The following BRWD1 variants were observed in gnomAD, a reference collection of about 807,000 sequenced individuals.
BRWD1 encodes bromodomain and WD repeat-containing protein 1.
In BRWD1, 82 loss-of-function variants were observed where a neutral mutation model predicts 251.2. The observed-to-expected ratio is 0.33, with a 90% confidence interval of 0.27 to 0.39. The LOEUF (loss-of-function observed/expected upper bound fraction) is 0.39. Ranked by LOEUF, BRWD1 falls within the 10% of genes least tolerant of loss-of-function variation. BRWD1 has a pLI of 1.00. For synonymous variants in BRWD1, 918 were observed against 902.8 expected (o/e 1.02, Z -0.30); for missense variants, 2,233 against 2,711.6 (o/e 0.82, Z 3.92).
intron 8 of BRWD1, among the ~76,000 whole-genome samples, chr21:39,285,278 A>AGAGAAG (rs1200848842): frequency 6.6e-6 from 1 of 152,188 alleles, no homozygotes; most frequent in Non-Finnish European, 1.5e-5. Context: ...AGTTGATTTC[A>AGAGAAG]CAGAAGCAGA....
chr21:39,264,870 C>T (rs372746564), intron 16 of BRWD1, 21 bp downstream of exon 16: 1 of 1,607,204 alleles, frequency 6.2e-7, no homozygotes, highest in African/African-American at 1.3e-5. Flanking sequence ...TTGCATGCTA[C>T]AACAAAGTAT....
At position 39,191,001 on chromosome 21, in the gene BRWD1, G is replaced by A; in HGVS notation, c.*5258C>T. 1.0e-6 allele frequency: 1 copy of A among 985,198 alleles called. No homozygotes were observed. 61.0% of individuals were successfully genotyped at this position (985,198 alleles called of 1,614,324 possible). ...AAAACTCAGATTTGTGATGGCTATT[G>A]CAATTTTTAATAAAAATCTCATAAA... On this transcript the variant is annotated 3_prime_UTR_variant, in exon 41 of 41. Transcript: ENST00000342449.
chr21:39,290,134 C>T (rs777625196), intron 8 of BRWD1, among the ~76,000 whole-genome samples: 1 of 151,992 alleles, frequency 6.6e-6, no homozygotes, highest in South Asian at 2.1e-4. Flanking sequence ...TTTCTTCTGG[C>T]CTCAATTCCA....
chr21:39,314,649 A>G (rs1414950776), upstream of BRWD1: 3 of 327,562 alleles, frequency 9.2e-6, no homozygotes, highest in Admixed American at 4.2e-5. Flanking sequence ...TCTGGCCCCT[A>G]AAGTACAGCA....
intron 8 of BRWD1, among the ~76,000 whole-genome samples, chr21:39,281,075 T>C (rs2035440876): frequency 6.6e-6 from 1 of 152,218 alleles, no homozygotes; most frequent in Non-Finnish European, 1.5e-5. Context: ...CGAGGGGGAA[T>C]ATGGTATATG....
At chr21:39,266,864 T>C (rs968633649) in intron 15 of BRWD1, among the ~76,000 whole-genome samples, 3 of 152,346 alleles carry the variant, frequency 2.0e-5, no homozygotes, top group Admixed American at 1.3e-4. Context: ...ATTTTGGCTA[T>C]GCAACTGGAA....
rs1319455111 is a variant in BRWD1, at chr21:39,199,398, T to C, written c.5018A>G (p.Lys1673Arg). 1.2e-6 allele frequency: 2 copies of C among 1,614,262 alleles called. No homozygotes were observed. The highest frequency in any genetic ancestry group is 2.7e-5 in the African/African-American group (2 of 75,068). The change falls in exon 40 of 41, where the codon AAG becomes AGG. Residue 1673 changes from lysine (K) to arginine (R), a missense_variant. Physicochemically the swap from Lys to Arg is conservative, Grantham distance 26 (BLOSUM62 2). Around this residue, in one of 12 missense-constraint regions of BRWD1, gnomAD observed 928 missense variants for 970.0 expected, o/e 0.96. Coordinates refer to ENST00000342449, the MANE Select transcript of BRWD1 (RefSeq NM_033656.4). Reference protein sequence around the residue: ...HRNASAVARKKLLHNSEDEQS... With the variant: ...HRNASAVARKRLLHNSEDEQS... ...TTCATCTTCAGAATTATGTAATAAC[T>C]TTTTTCTAGCTACAGCAGAAGCATT...
intron 23 of BRWD1, chr21:39,235,953 G>C (rs994170335): frequency 9.6e-6 from 2 of 207,936 alleles, no homozygotes; most frequent in Non-Finnish European, 2.0e-5. Flanking sequence ...GTTCACAAAG[G>C]TGGCAAGAGG....
chr21:39,307,736 CA>C (rs1353950052), intron 4 of BRWD1, among the ~76,000 whole-genome samples: 1 of 152,064 alleles, frequency 6.6e-6, no homozygotes, highest in Non-Finnish European at 1.5e-5. Flanking sequence ...CCCTTTAAAA[CA>C]AAAACCTCTT....
chr21:39,267,337 T>C (rs1375603721), intron 15 of BRWD1, among the ~76,000 whole-genome samples: 3 of 152,186 alleles, frequency 2.0e-5, no homozygotes, highest in African/African-American at 7.2e-5. Flanking sequence ...GGCTCAAGCC[T>C]GTAATCCCAG....
intron 29 of BRWD1, among the ~76,000 whole-genome samples, chr21:39,220,297 A>G (rs756603292): frequency 7.9e-5 from 12 of 152,242 alleles, no homozygotes; most frequent in Non-Finnish European, 1.8e-4. Flanking sequence ...GGCCTGATGC[A>G]CAAAAAGGCC....
At chr21:39,225,325 G>T in intron 27 of BRWD1, 128 bp from the exon 28 acceptor site, 3 of 625,540 alleles carry the variant, frequency 4.8e-6, no homozygotes, top group Non-Finnish European at 8.3e-6. Context: ...GGCAAGCAGC[G>T]CTCCTAAACA....
At position 39,236,607 on chromosome 21, in the gene BRWD1, C is replaced by G. The variant is rs748320653; in HGVS notation, c.2754G>C (p.Lys918Asn). ...KRRRKRKKEN[K>N]PKKENLRRMT... ...ACGTTTTTCTTACCTCCTTCTTAGG[C>G]TTATTTTCTTTCTTTCTCTTTCGTC... The change falls in exon 23 of 41, where the codon AAG (lysine) becomes AAC (asparagine). Residue 918 changes from lysine to asparagine, a missense_variant. By Grantham distance (94) the Lys-to-Asn change is moderately conservative (BLOSUM62 0). Transcript: ENST00000342449. The G allele has an allele frequency of 6.2e-7, 1 of 1,604,146 alleles. No individual in the cohort carries two copies. The highest frequency in any genetic ancestry group is 8.5e-7 in the Non-Finnish European group (1 of 1,174,684).
At chr21:39,302,911 G>A (rs778034270) in intron 4 of BRWD1, among the ~76,000 whole-genome samples, 1 of 151,468 alleles carries the variant, frequency 6.6e-6, no homozygotes, top group Admixed American at 6.6e-5. Flanking sequence ...AATACAGAAA[G>A]TAGCTGGGTG....
At chr21:39,312,193 G>A (rs1392297438) in intron 4 of BRWD1, among the ~76,000 whole-genome samples, 1 of 152,072 alleles carries the variant, frequency 6.6e-6, no homozygotes, top group Non-Finnish European at 1.5e-5. Flanking sequence ...GAGCTCAAAA[G>A]AAAAGTGCCT....
At chr21:39,255,891 T>C in intron 18 of BRWD1, 63 bp from the exon 19 acceptor site, 1 of 1,443,394 alleles carries the variant, frequency 6.9e-7, no homozygotes, top group Non-Finnish European at 9.6e-7. Context: ...ATTTAGCATG[T>C]AACAAGCACA....
intron 31 of BRWD1, among the ~76,000 whole-genome samples, chr21:39,216,044 T>C (rs796459228): frequency 1.3e-5 from 2 of 152,158 alleles, no homozygotes; most frequent in East Asian, 3.8e-4. Flanking sequence ...TCAGTTTCAC[T>C]GTAAACAATC....
At position 39,193,744 on chromosome 21, in the gene BRWD1, TA is replaced by T; in HGVS notation, c.*2514del. On this transcript the variant is annotated 3_prime_UTR_variant, in exon 41 of 41. Transcript: ENST00000342449. ...AATACTACAAACTGACCCTAAACAT[TA>T]AAGTACACCTGTGCATTAAATCCCT... 1 of 985,532 alleles carries T rather than the reference TA, an allele frequency of 1.0e-6. No homozygotes were observed. 61.0% of individuals were successfully genotyped at this position (985,532 alleles called of 1,614,324 possible).
intron 13 of BRWD1, among the ~76,000 whole-genome samples, chr21:39,272,071 A>G (rs1015195598): frequency 2.0e-5 from 3 of 151,698 alleles, no homozygotes; most frequent in Admixed American, 6.6e-5. Flanking sequence ...GTAATTACAA[A>G]AAAAAAACAC....
Sources: allele counts gnomAD v4.1 joint callset (sites outside exome capture counted in the v4.1 genomes callset), GRCh38; gene constraint gnomAD v4.1.1; regional missense constraint gnomAD v4.1.1; transcripts MANE v1.5; gene names NCBI Gene and HGNC (gene_info 2026-07-23, HGNC 2026-07-21).